Variants in MYO18B observed in about 807,000 individuals in gnomAD.
MYO18B encodes unconventional myosin-XVIIIb.
A neutral mutation model predicts 273.0 loss-of-function variants in MYO18B; 204 were observed. That is an observed-to-expected ratio of 0.75 (90% CI 0.67 to 0.84). MYO18B has a LOEUF of 0.84. Among genes scored for constraint, MYO18B ranks in the 40% least tolerant of loss-of-function variants. MYO18B has a pLI of 0.00. For missense variants in MYO18B, 3,212 were observed against 3,287.6 expected (o/e 0.98, Z 0.56); for synonymous variants, 1,330 against 1,305.7 (o/e 1.02, Z -0.40).
chr22:25,870,780 T>C (rs919496864), intron 22 of MYO18B, among the ~76,000 whole-genome samples: 2 of 152,130 alleles, frequency 1.3e-5, no homozygotes, highest in Non-Finnish European at 2.9e-5. Context: ...GCTGGCAATC[T>C]GTATAACAAG....
At chr22:25,966,658 C>T (rs1030932875) in intron 39 of MYO18B, among the ~76,000 whole-genome samples, 1 of 152,174 alleles carries the variant, frequency 6.6e-6, no homozygotes, top group Non-Finnish European at 1.5e-5. Context: ...AATGGCCTCC[C>T]GCATGCTCAG....
intron 11 of MYO18B, among the ~76,000 whole-genome samples, chr22:25,788,717 C>T (rs947986607): frequency 6.6e-6 from 1 of 152,216 alleles, no homozygotes; most frequent in African/African-American, 2.4e-5. Context: ...CTGAGCCCTC[C>T]TCCTTCCTTC....
At chr22:25,886,293 C>T (rs901779786) in intron 25 of MYO18B, among the ~76,000 whole-genome samples, 1 of 152,184 alleles carries the variant, frequency 6.6e-6, no homozygotes, top group Non-Finnish European at 1.5e-5. Context: ...GAACTGGTGT[C>T]CAACAGGCAT....
At chr22:25,879,926 C>T (rs183660570) in intron 25 of MYO18B, among the ~76,000 whole-genome samples, 5 of 152,250 alleles carry the variant, frequency 3.3e-5, no homozygotes, top group East Asian at 1.9e-4. Context: ...CTTGTGGGAA[C>T]GCACTCACTA....
At chr22:25,963,143 C>T (rs1473428825) in intron 39 of MYO18B, among the ~76,000 whole-genome samples, 2 of 146,324 alleles carry the variant, frequency 1.4e-5, no homozygotes, top group African/African-American at 5.2e-5. Context: ...TTTCTCCTCT[C>T]TCTCTCTCCT....
intron 34 of MYO18B, among the ~76,000 whole-genome samples, chr22:25,943,734 T>C (rs1268153022): frequency 4.6e-4 from 51 of 109,876 alleles, no homozygotes; most frequent in African/African-American, 1.5e-3. Flanking sequence ...TTTTTTTTTT[T>C]CTGAGACGGA....
intron 39 of MYO18B, among the ~76,000 whole-genome samples, chr22:25,965,947 T>C (rs573247992): frequency 6.6e-6 from 1 of 152,330 alleles, no homozygotes; most frequent in East Asian, 1.9e-4. Flanking sequence ...TGAAAGGCTC[T>C]TAATCAAGTC....
At chr22:25,990,817 C>T (rs1261541634) in intron 39 of MYO18B, among the ~76,000 whole-genome samples, 2 of 150,230 alleles carry the variant, frequency 1.3e-5, no homozygotes, top group Admixed American at 6.6e-5. Flanking sequence ...GGGAATTGCG[C>T]TTTGACCCCA....
intron 14 of MYO18B, among the ~76,000 whole-genome samples, chr22:25,828,014 A>G (rs1310006786): frequency 6.6e-6 from 1 of 152,212 alleles, no homozygotes; most frequent in Non-Finnish European, 1.5e-5. Flanking sequence ...CAGAAGAACC[A>G]AGGTTCAACT....
At position 25,802,614 on chromosome 22, in the gene MYO18B, A is replaced by G. The variant is rs369564987; in HGVS notation, c.2521+4517A>G. The stretch of plus-strand genomic sequence containing the variant: ...AAAAAATACAAAAAATTAGCCGGGC[A>G]TGGTGGCAGACACCTATGGTCCCAG... On this transcript the variant is annotated intron_variant, in intron 12 of 43. Coordinates refer to ENST00000335473, the MANE Select transcript of MYO18B (RefSeq NM_032608.7). Among the ~76,000 whole-genome samples, 25 of 151,880 alleles carry G rather than the reference A, an allele frequency of 1.6e-4. No homozygotes were observed. In the South Asian group the frequency reaches 2.9e-3, roughly 18 times the overall value.
intron 39 of MYO18B, among the ~76,000 whole-genome samples, chr22:25,974,359 TTGTA>T (rs760851554): frequency 6.6e-6 from 1 of 152,212 alleles, no homozygotes; most frequent in Non-Finnish European, 1.5e-5. Context: ...AATTTGCCAC[TTGTA>T]TAGGTCAAAA....
chr22:25,768,139 C>T lies in MYO18B; in HGVS notation c.223C>T (p.Pro75Ser). The T allele has an allele frequency of 1.2e-6, 2 of 1,604,294 alleles. No individual in the cohort carries two copies. Among genetic ancestry groups the T allele is most frequent in the African/African-American group, 1.3e-5 (1 of 74,740 alleles). Residue 75 changes from proline to serine, a missense_variant, in exon 4 of 44, where the codon CCC becomes TCC. By Grantham distance (74) the Pro-to-Ser change is moderately conservative (BLOSUM62 -1). Coordinates refer to ENST00000335473, the MANE Select transcript of MYO18B (RefSeq NM_032608.7). ...REIPEISISQ[P>S]NSKSSSGTRS... ...GATCCCAGAAATTTCCATCAGCCAA[C>T]CCAACAGCAAGTCCAGCAGTGGCAC...
intron 41 of MYO18B, among the ~76,000 whole-genome samples, chr22:26,003,764 T>C (rs1934188629): frequency 6.6e-6 from 1 of 152,146 alleles, no homozygotes; most frequent in African/African-American, 2.4e-5. Context: ...AAGATGTAGC[T>C]CAACTTTCAC....
chr22:25,868,763 C>G (rs1174388026), intron 22 of MYO18B, among the ~76,000 whole-genome samples: 1 of 152,174 alleles, frequency 6.6e-6, no homozygotes, highest in Non-Finnish European at 1.5e-5. Context: ...CCAGCTCTAA[C>G]ACAGCTATAG....
chr22:25,835,495 A>C lies in MYO18B; in HGVS notation c.3208+52A>C, dbSNP rs1393789935. On this transcript the variant is annotated intron_variant, in intron 17 of 43. Coordinates refer to ENST00000335473, the MANE Select transcript of MYO18B (RefSeq NM_032608.7). ...GGCCTGAGTCCAGCCTGGGTATTAGAATCTGTTCTTCTCTGCTGCAGGGAA... is the reference window on the plus strand; with the variant it reads ...GGCCTGAGTCCAGCCTGGGTATTAGCATCTGTTCTTCTCTGCTGCAGGGAA... 3 of 1,607,798 alleles carry C rather than the reference A, an allele frequency of 1.9e-6. No homozygotes were observed. The African/African-American group carries it at 4.0e-5, about 22-fold the overall frequency.
chr22:25,902,474 T>G, intron 29 of MYO18B, 139 bp from the exon 30 acceptor site: 1 of 949,476 alleles, frequency 1.1e-6, no homozygotes, highest in Non-Finnish European at 1.5e-6. Context: ...ACTTTCTCTA[T>G]CTCTCTTCTT....
chr22:25,898,734 C>T (rs898133079), intron 29 of MYO18B: 2 of 396,792 alleles, frequency 5.0e-6, no homozygotes, highest in East Asian at 9.4e-5. Flanking sequence ...CTTAACATCC[C>T]CATTTGTCGA....
At chr22:25,995,812 A>G (rs908528152) in intron 40 of MYO18B, among the ~76,000 whole-genome samples, 28 of 152,018 alleles carry the variant, frequency 1.8e-4, no homozygotes. Context: ...TTTCTTTCTC[A>G]CTTTTCATGA....
chr22:26,034,352 G>A (rs150615983), downstream of MYO18B, among the ~76,000 whole-genome samples: 3 of 152,308 alleles, frequency 2.0e-5, no homozygotes, highest in East Asian at 5.8e-4. Flanking sequence ...CTTAGCCCCA[G>A]GTCAAAGAGT....
Sources: gnomAD v4.1 joint callset for allele counts (sites outside exome capture counted in the v4.1 genomes callset) on GRCh38, gnomAD v4.1.1 for gene constraint, MANE v1.5 for transcripts, NCBI Gene and HGNC (gene_info 2026-07-23, HGNC 2026-07-21) for gene names.